The following SERPINI1 variants were observed in gnomAD, a reference collection of about 807,000 sequenced individuals.
SERPINI1 encodes the protein neuroserpin.
SERPINI1 carries 19 observed loss-of-function variants against 41.1 expected under a neutral mutation model. The observed-to-expected ratio is 0.46, with a 90% CI of 0.32 to 0.68. SERPINI1 has a LOEUF of 0.68. Among genes scored for constraint, SERPINI1 ranks in the 30% least tolerant of loss-of-function variants. The pLI, the probability that SERPINI1 is intolerant of heterozygous loss-of-function variation, is 0.03. For missense variants in SERPINI1, 460 were observed against 479.2 expected (o/e 0.96, Z 0.37); for synonymous variants, 138 against 156.6 (o/e 0.88, Z 0.89).
chr3:167,747,302 C>T (rs935025391), intron 1 of SERPINI1, among the ~76,000 whole-genome samples: 6 of 152,166 alleles, frequency 3.9e-5, no homozygotes, highest in Admixed American at 2.6e-4. Context: ...ATGAAATGGT[C>T]TAAAATTAGA....
intron 1 of SERPINI1, among the ~76,000 whole-genome samples, chr3:167,766,585 C>T (rs958988193): frequency 1.2e-4 from 19 of 152,180 alleles, no homozygotes; most frequent in African/African-American, 3.6e-4. Flanking sequence ...GCCAAAAGCT[C>T]GGCCTCCTGT....
At chr3:167,824,189 A>G (rs1197166637) in intron 7 of SERPINI1, among the ~76,000 whole-genome samples, 1 of 152,214 alleles carries the variant, frequency 6.6e-6, no homozygotes, top group Admixed American at 6.5e-5. Context: ...ACATTTCATA[A>G]CAAGCAGAAT....
intron 6 of SERPINI1, among the ~76,000 whole-genome samples, chr3:167,808,786 C>G (rs1171259743): frequency 2.0e-5 from 3 of 152,156 alleles, no homozygotes; most frequent in African/African-American, 7.2e-5. Context: ...GCACACAATG[C>G]ATCTGCACAT....
chr3:167,792,883 A>G, intron 4 of SERPINI1, 99 bp downstream of exon 4: 1 of 1,033,892 alleles, frequency 9.7e-7, no homozygotes, highest in Admixed American at 1.9e-5. Flanking sequence ...TTGTCAATCT[A>G]ATTTGGGCTA....
chr3:167,769,748 G>A (rs1209211656), intron 1 of SERPINI1, among the ~76,000 whole-genome samples: 2 of 151,992 alleles, frequency 1.3e-5, no homozygotes, highest in Non-Finnish European at 2.9e-5. Context: ...GTACCTCAGT[G>A]TAGTTTATTT....
intron 1 of SERPINI1, among the ~76,000 whole-genome samples, chr3:167,774,716 T>A (rs1355695930): frequency 6.6e-6 from 1 of 152,122 alleles, no homozygotes; most frequent in East Asian, 1.9e-4. Context: ...GCACTCCTCA[T>A]GAGAATCTAA....
chr3:167,748,894 G>A (rs1325966782), intron 1 of SERPINI1, among the ~76,000 whole-genome samples: 1 of 151,862 alleles, frequency 6.6e-6, no homozygotes, highest in East Asian at 1.9e-4. Context: ...GGCCTCTGTA[G>A]GCATTTGGGT....
intron 7 of SERPINI1, among the ~76,000 whole-genome samples, 182 bp downstream of exon 7, chr3:167,823,254 A>G (rs543111870): frequency 2.1e-4 from 32 of 152,350 alleles, no homozygotes; most frequent in African/African-American, 6.5e-4. Flanking sequence ...AACTCACTCC[A>G]GTGCCCCTTT....
chr3:167,806,775 G>A (rs1183813383), intron 5 of SERPINI1, among the ~76,000 whole-genome samples: 1 of 151,700 alleles, frequency 6.6e-6, no homozygotes, highest in Non-Finnish European at 1.5e-5. Flanking sequence ...AGTGGCAGAG[G>A]GAAAGTAACA....
At chr3:167,741,157 C>T (rs956842221) in intron 1 of SERPINI1, among the ~76,000 whole-genome samples, 2 of 152,202 alleles carry the variant, frequency 1.3e-5, no homozygotes, top group African/African-American at 4.8e-5. Context: ...CCTTCAGTTT[C>T]AGCCACTGCT....
chr3:167,804,175 G>A (rs998526245), intron 5 of SERPINI1, among the ~76,000 whole-genome samples: 7 of 152,088 alleles, frequency 4.6e-5, no homozygotes, highest in African/African-American at 1.7e-4. Flanking sequence ...TCAAGTCAAA[G>A]TGCAAAATTT....
intron 1 of SERPINI1, among the ~76,000 whole-genome samples, chr3:167,774,356 G>A (rs539868013): frequency 7.2e-5 from 11 of 152,120 alleles, no homozygotes; most frequent in African/African-American, 2.7e-4. Flanking sequence ...TTACCAAAAG[G>A]GCCCTCAGAT....
chr3:167,817,812 G>T (rs548962617), intron 6 of SERPINI1, among the ~76,000 whole-genome samples: 92 of 151,370 alleles, frequency 6.1e-4, no homozygotes, highest in Non-Finnish European at 1.2e-3. Flanking sequence ...TGTTAGCCAG[G>T]GTGGTCCCGA....
rs377675632 is a variant in SERPINI1 at position 167,816,282 on chromosome 3, G to A, written c.980-6704G>A. Among the ~76,000 whole-genome samples, 5 of 152,168 alleles carry A rather than the reference G, an allele frequency of 3.3e-5. No individual in the cohort carries two copies. In the South Asian group the frequency reaches 6.2e-4, roughly 19 times the overall value. ...CCTGGGCTCAAGCGATCAGCCCCAAGCGATCAGCCTGCCTCAGCCTCCCGT... is the reference window on the plus strand; with the variant it reads ...CCTGGGCTCAAGCGATCAGCCCCAAACGATCAGCCTGCCTCAGCCTCCCGT... On this transcript the variant is annotated intron_variant, in intron 6 of 8. Coordinates refer to ENST00000446050, the MANE Select transcript of SERPINI1 (RefSeq NM_001122752.2).
chr3:167,742,818 TTGTGTG>T (rs10576293), intron 1 of SERPINI1, among the ~76,000 whole-genome samples: 198 of 145,090 alleles, frequency 1.4e-3, no homozygotes, highest in South Asian at 3.6e-3. Flanking sequence ...TTGTGCCGTT[TTGTGTG>T]TGTGTGTGTG....
rs1426618188 is a variant in SERPINI1 at position 167,772,887 on chromosome 3, TATATATACACACACACACAC to T, written c.-18-16222_-18-16203del. Among the ~76,000 whole-genome samples the T allele has an allele frequency of 2.6e-3, 199 of 75,630 alleles. 1 individual carries two copies. Among genetic ancestry groups the T allele is most frequent in the Non-Finnish European group, 2.3e-3 (91 of 40,418 alleles). 49.6% of individuals were successfully genotyped at this position (75,630 alleles called of 152,430 possible). A position where few individuals can be genotyped will look rare whatever the true frequency, so the allele number is the denominator to read the frequency against. On this transcript the variant is annotated intron_variant, in intron 1 of 8. Coordinates refer to ENST00000446050, the MANE Select transcript of SERPINI1 (RefSeq NM_001122752.2). ...CTCTATATATATATATATATATATA[TATATATACACACACACACAC>T]ACACACACACACACATGCATATATA...
chr3:167,787,485 G>A (rs1028521358), intron 1 of SERPINI1, among the ~76,000 whole-genome samples: 2 of 152,218 alleles, frequency 1.3e-5, no homozygotes, highest in African/African-American at 2.4e-5. Context: ...AGTACAAAAG[G>A]AAGTAAGAAT....
intron 1 of SERPINI1, among the ~76,000 whole-genome samples, chr3:167,744,861 AT>A (rs1208374698): frequency 2.3e-5 from 3 of 128,368 alleles, no homozygotes; most frequent in African/African-American, 9.0e-5. Flanking sequence ...AGTTATATAT[AT>A]ATATAAATAT....
At position 167,821,452 on chromosome 3, in the gene SERPINI1, G is replaced by A. The variant is rs114521789; in HGVS notation, c.980-1534G>A. 3.9e-3 allele frequency among the ~76,000 whole-genome samples: 600 copies of A among 152,308 alleles called. 6 individuals are homozygous for A. Among genetic ancestry groups the A allele is most frequent in the African/African-American group, 0.014 (586 of 41,564 alleles). On this transcript the variant is annotated intron_variant, in intron 6 of 8. Coordinates refer to ENST00000446050, the MANE Select transcript of SERPINI1 (RefSeq NM_001122752.2). Reference sequence around the variant, plus strand: ...TTGTGGTACTTCTGGTCCAGCTGCAGCCTAGCAGTGAGCCAGCATCCATGC... The same window carrying A: ...TTGTGGTACTTCTGGTCCAGCTGCAACCTAGCAGTGAGCCAGCATCCATGC...
Sources: allele counts gnomAD v4.1 joint callset (sites outside exome capture counted in the v4.1 genomes callset), GRCh38; gene constraint gnomAD v4.1.1; transcripts MANE v1.5; gene names NCBI Gene and HGNC (gene_info 2026-07-23, HGNC 2026-07-21).